Variants in FCRL3 observed in about 807,000 individuals in gnomAD.
FCRL3 encodes Fc receptor like 3.
A neutral mutation model predicts 75.0 loss-of-function variants in FCRL3; 89 were observed. That is an observed-to-expected ratio of 1.19 (90% CI 1.00 to 1.42). The LOEUF is 1.42. Ranked by LOEUF, FCRL3 falls within the 40% of genes most tolerant of loss-of-function variation. The pLI is 0.00. For missense variants in FCRL3, 946 were observed against 880.0 expected (o/e 1.07, Z -0.95); for synonymous variants, 376 against 348.5 (o/e 1.08, Z -0.88).
At chr1:157,698,259 C>A (rs544880251) in intron 4 of FCRL3, 125 bp downstream of exon 4, 2 of 1,153,024 alleles carry the variant, frequency 1.7e-6, no homozygotes, top group African/African-American at 3.1e-5. Context: ...TTTATTTTCC[C>A]CACTGGGGTC....
intron 11 of FCRL3, 43 bp from the exon 12 acceptor site, chr1:157,681,142 G>T (rs535885574): frequency 1.5e-6 from 2 of 1,300,312 alleles, no homozygotes; most frequent in Non-Finnish European, 2.1e-6. Flanking sequence ...GTATCTGTGG[G>T]TTACACAGAA....
In FCRL3 at chr1:157,676,590, G is replaced by T; in HGVS notation, c.*2120C>A. The stretch of plus-strand genomic sequence containing the variant: ...AATTCAAAGATAAAAGTCAAGTAGA[G>T]CACTGCATGAGAATAATTCATTTTA... On this transcript the variant is annotated 3_prime_UTR_variant, in exon 15 of 15. Transcript: ENST00000368184. The T allele has an allele frequency of 1.1e-6, 1 of 903,258 alleles. No individual in the cohort carries two copies. The highest frequency in any genetic ancestry group is 1.9e-5 in the South Asian group (1 of 53,644). The allele number at this position is 903,258 out of a possible 1,614,324, so 56.0% of individuals were successfully genotyped here.
At position 157,678,301 on chromosome 1, in the gene FCRL3, C is replaced by CA; in HGVS notation, c.*408dup. On this transcript the variant is annotated 3_prime_UTR_variant, in exon 15 of 15. Transcript: ENST00000368184. ...ATCAGCAATGCCACTACCAGCCACA[C>CA]AAAAAAGGGAAACAAAATATTTGGA... 6 of 1,011,518 alleles carry CA rather than the reference C, an allele frequency of 5.9e-6. No homozygotes were observed. Among genetic ancestry groups the CA allele is most frequent in the East Asian group, 9.5e-5 (1 of 10,566 alleles). 62.7% of individuals were successfully genotyped at this position (1,011,518 alleles called of 1,614,324 possible).
At position 157,697,786 on chromosome 1, in the gene FCRL3, A is replaced by AG; in HGVS notation, c.431_432insC (p.Asn145Ter). ...AATTCACTGTGATCTTCTCTAAATTATAACTATTAGGAAGCTGTTTTCCAT... is the reference window on the plus strand; with the variant it reads ...AATTCACTGTGATCTTCTCTAAATTAGTAACTATTAGGAAGCTGTTTTCCAT... On this transcript the variant is annotated frameshift_variant, in exon 5 of 15. Transcript: ENST00000368184. LOFTEE classifies it high-confidence loss of function. 6.2e-7 allele frequency: 1 copy of AG among 1,614,160 alleles called. No individual in the cohort carries two copies. The highest frequency in any genetic ancestry group is 2.2e-5 in the East Asian group (1 of 44,882).
At position 157,696,347 on chromosome 1, in the gene FCRL3, C is replaced by A. The variant is rs1415230515; in HGVS notation, c.845-20G>T. The A allele has an allele frequency of 6.2e-7, 1 of 1,611,922 alleles. No homozygotes were observed. Among genetic ancestry groups the A allele is most frequent in the Admixed American group, 1.7e-5 (1 of 59,994 alleles). On this transcript the variant is annotated intron_variant, in intron 6 of 14. Coordinates refer to ENST00000368184, the MANE Select transcript of FCRL3 (RefSeq NM_052939.4). ...GGACTCCTGGGGGAACACAAGATGG[C>A]ATGTGAAGGTCCTGATGGCAGGGAC...
chr1:157,696,430 G>T, intron 6 of FCRL3, 103 bp from the exon 7 acceptor site: 2 of 1,225,124 alleles, frequency 1.6e-6, no homozygotes, highest in Non-Finnish European at 1.1e-6. Flanking sequence ...AGCAGGTGCA[G>T]CAGGCAGAAG....
rs1655825790 is a variant in FCRL3, at chr1:157,695,503, T to G, written c.1237A>C (p.Ile413Leu). ...HCESLRGSPP[I>L]LYRFYHEDVT... ...TCCTCATGATAAAATCGGTACAGGATCGGGGGAGAGCCTCTCAGGGACTCA... is the reference window on the plus strand; with the variant it reads ...TCCTCATGATAAAATCGGTACAGGAGCGGGGGAGAGCCTCTCAGGGACTCA... The change falls in exon 8 of 15, where the codon ATC (isoleucine) becomes CTC (leucine). Residue 413 changes from isoleucine to leucine, a missense_variant. Ile to Leu is a conservative substitution (Grantham distance 5, BLOSUM62 2). Transcript: ENST00000368184. The G allele has an allele frequency of 6.2e-7, 1 of 1,613,958 alleles. No homozygotes were observed. The highest frequency in any genetic ancestry group is 1.3e-5 in the African/African-American group (1 of 74,884).
rs1654507758 is a variant in FCRL3, at chr1:157,677,071, G to A, written c.*1639C>T. The A allele has an allele frequency of 2.6e-6, 3 of 1,164,074 alleles. No homozygotes were observed. The highest frequency in any genetic ancestry group is 2.0e-5 in the South Asian group (1 of 49,150). The allele number at this position is 1,164,074 out of a possible 1,614,324, so 72.1% of individuals were successfully genotyped here. A position where few individuals can be genotyped will look rare whatever the true frequency, so the allele number is the denominator to read the frequency against. ...GGCAGAGATCAGCATCTCAGTACGG[G>A]CAGGACATCATGCCCTGCACTCAAA... On this transcript the variant is annotated 3_prime_UTR_variant, in exon 15 of 15. Coordinates refer to ENST00000368184, the MANE Select transcript of FCRL3 (RefSeq NM_052939.4).
At position 157,689,779 on chromosome 1, in the gene FCRL3, G is replaced by T; in HGVS notation, c.1810+19C>A. On this transcript the variant is annotated intron_variant, in intron 10 of 14. Coordinates refer to ENST00000368184, the MANE Select transcript of FCRL3 (RefSeq NM_052939.4). ...AGCAACGGCAAAATCACATCACAAG[G>T]TAGGACCTAGACACCCACCTGGTTT... is the stretch of plus-strand genomic sequence containing the variant. 6.2e-7 allele frequency: 1 copy of T among 1,613,962 alleles called. No homozygotes were observed. The highest frequency in any genetic ancestry group is 1.3e-5 in the African/African-American group (1 of 75,012).
Position 157,676,564 on chromosome 1 carries a change from G to T in FCRL3, c.*2146C>A. On this transcript the variant is annotated 3_prime_UTR_variant, in exon 15 of 15. Transcript: ENST00000368184. ...TTCTGGGCTATGGGTTTTTAGTTGT[G>T]AATTCAAAGATAAAAGTCAAGTAGA... is the stretch of plus-strand genomic sequence containing the variant. The T allele has an allele frequency of 1.4e-6, 1 of 702,262 alleles. No homozygotes were observed. Among genetic ancestry groups the T allele is most frequent in the Non-Finnish European group, 2.3e-6 (1 of 441,720 alleles). 43.5% of individuals were successfully genotyped at this position (702,262 alleles called of 1,614,324 possible). A position where few individuals can be genotyped will look rare whatever the true frequency, so the allele number is the denominator to read the frequency against.
chr1:157,697,800 G>T lies in FCRL3; in HGVS notation c.418C>A (p.Leu140Ile). Reference sequence around the variant, plus strand: ...TTCTCTAAATTATAACTATTAGGAAGCTGTTTTCCATCCTTGTAGTAAACC... The same window carrying T: ...TTCTCTAAATTATAACTATTAGGAATCTGTTTTCCATCCTTGTAGTAAACC... ...QKVYYKDGKQ[L>I]PNSYNLEKIT... Residue 140 changes from leucine (L) to isoleucine (I), a missense_variant, in exon 5 of 15, where the codon CTT becomes ATT. Coordinates refer to ENST00000368184, the MANE Select transcript of FCRL3 (RefSeq NM_052939.4). 1 of 1,614,134 alleles carries T rather than the reference G, an allele frequency of 6.2e-7. No individual in the cohort carries two copies. The highest frequency in any genetic ancestry group is 8.5e-7 in the Non-Finnish European group (1 of 1,180,020).
Position 157,690,477 on chromosome 1 carries a change from C to T in FCRL3, c.1468G>A (p.Gly490Arg). 1 of 1,614,234 alleles carries T rather than the reference C, an allele frequency of 6.2e-7. No individual in the cohort carries two copies. Among genetic ancestry groups the T allele is most frequent in the Non-Finnish European group, 8.5e-7 (1 of 1,180,026 alleles). ...LRAPGAQAVV[G>R]DLLELHCESL... ...TCACAGTGAAGCTCCAGCAGGTCCCCCACCACAGCCTGGGCCCCGGGAGCC... is the reference window on the plus strand; with the variant it reads ...TCACAGTGAAGCTCCAGCAGGTCCCTCACCACAGCCTGGGCCCCGGGAGCC... The change falls in exon 9 of 15, where the codon GGG becomes AGG. Residue 490 changes from glycine (G) to arginine (R), a missense_variant. Gly to Arg is a moderately radical substitution (Grantham distance 125). Transcript: ENST00000368184.
chr1:157,691,966 G>A (rs1655572175), intron 8 of FCRL3: 1 of 152,184 alleles, frequency 6.6e-6, no homozygotes, highest in South Asian at 2.1e-4. Context: ...TTCTTTTTGA[G>A]CTTGAAATTT....
At chr1:157,679,830 CAAAAA>C (rs1166825112) in intron 13 of FCRL3, among the ~76,000 whole-genome samples, 2 of 49,916 alleles carry the variant, frequency 4.0e-5, no homozygotes, top group African/African-American at 9.1e-5. Flanking sequence ...CCCCATCTCA[CAAAAA>C]AAAAAAAAAA....
chr1:157,690,824 G>A (rs1655481623), intron 8 of FCRL3, among the ~76,000 whole-genome samples: 1 of 151,992 alleles, frequency 6.6e-6, no homozygotes, highest in South Asian at 2.1e-4. Flanking sequence ...TATAAAAATT[G>A]GTTATTATTA....
intron 13 of FCRL3, among the ~76,000 whole-genome samples, chr1:157,679,828 C>CAAAAAAA (rs879258382): frequency 0.1 from 2,825 of 27,758 alleles, 375 homozygotes; most frequent in East Asian, 0.2. Flanking sequence ...GACCCCATCT[C>CAAAAAAA]ACAAAAAAAA....
intron 7 of FCRL3, 65 bp downstream of exon 7, chr1:157,695,975 T>A: frequency 8.2e-7 from 1 of 1,224,042 alleles, no homozygotes; most frequent in Non-Finnish European, 1.1e-6. Flanking sequence ...GAGACCTTAG[T>A]GGCTGACAGA....
intron 10 of FCRL3, among the ~76,000 whole-genome samples, chr1:157,687,329 C>T (rs937583107): frequency 6.8e-6 from 1 of 147,800 alleles, no homozygotes; most frequent in African/African-American, 2.5e-5. Flanking sequence ...TGCTTATACA[C>T]TGTTGGTGGG....
At chr1:157,688,770 A>G (rs148451212) in intron 10 of FCRL3, among the ~76,000 whole-genome samples, 43 of 152,282 alleles carry the variant, frequency 2.8e-4, no homozygotes, top group African/African-American at 9.4e-4. Flanking sequence ...AAAGCTAACA[A>G]CAAATTTTCC....
Sources: gnomAD v4.1 joint callset for allele counts (sites outside exome capture counted in the v4.1 genomes callset) on GRCh38, gnomAD v4.1.1 for gene constraint, MANE v1.5 for transcripts, NCBI Gene and HGNC (gene_info 2026-07-23, HGNC 2026-07-21) for gene names.